Variants in SLC43A2 observed in about 807,000 individuals in gnomAD.
SLC43A2 encodes solute carrier family 43 member 2.
In SLC43A2, 38 loss-of-function variants were observed where a neutral mutation model predicts 63.2. The observed-to-expected ratio is 0.60, with a 90% CI of 0.46 to 0.79. SLC43A2 has a LOEUF of 0.79. Among genes scored for constraint, SLC43A2 ranks in the 30% least tolerant of loss-of-function variants. The pLI, the probability that SLC43A2 is intolerant of heterozygous loss-of-function variation, is 0.00. For missense variants in SLC43A2, 644 were observed against 756.2 expected (o/e 0.85, Z 1.74); for synonymous variants, 322 against 331.0 (o/e 0.97, Z 0.30).
chr17:1,581,204 A>C (rs922074100), intron 11 of SLC43A2, among the ~76,000 whole-genome samples: 1 of 151,554 alleles, frequency 6.6e-6, no homozygotes, highest in Non-Finnish European at 1.5e-5. Flanking sequence ...CCCAGTGCCC[A>C]CACACACACA....
intron 2 of SLC43A2, among the ~76,000 whole-genome samples, chr17:1,624,143 G>A (rs1037833607): frequency 5.3e-5 from 8 of 152,236 alleles, no homozygotes; most frequent in Non-Finnish European, 8.8e-5. Context: ...GGGGATTAAC[G>A]ATCCACATGT....
At chr17:1,608,937 C>T (rs894772963) in intron 5 of SLC43A2, among the ~76,000 whole-genome samples, 2 of 151,972 alleles carry the variant, frequency 1.3e-5, no homozygotes, top group Non-Finnish European at 2.9e-5. Context: ...AGAGCTCTTA[C>T]GAGTCACTAA....
rs1163814542 is a variant in SLC43A2 at position 1,569,602 on chromosome 17, AACAC to A, written c.*5998_*6001del. 1 of 152,362 alleles carries A rather than the reference AACAC, an allele frequency of 6.6e-6. No homozygotes were observed. The highest frequency in any genetic ancestry group is 2.4e-5 in the African/African-American group (1 of 41,442). 9.4% of individuals were successfully genotyped at this position (152,362 alleles called of 1,614,324 possible). A position where few individuals can be genotyped will look rare whatever the true frequency, so the allele number is the denominator to read the frequency against. On this transcript the variant is annotated 3_prime_UTR_variant, in exon 14 of 14. Coordinates refer to ENST00000301335, the MANE Select transcript of SLC43A2 (RefSeq NM_152346.3). ...CCCGGATGCATCTCACACTTAGATAAACACACACGCACACAGTCAGAGGCACGGT... is the reference window on the plus strand; with the variant it reads ...CCCGGATGCATCTCACACTTAGATAAACACGCACACAGTCAGAGGCACGGT...
At chr17:1,586,435 G>A (rs1216889627) in intron 9 of SLC43A2, among the ~76,000 whole-genome samples, 1 of 152,118 alleles carries the variant, frequency 6.6e-6, no homozygotes, top group Non-Finnish European at 1.5e-5. Flanking sequence ...GGTGGCTCAT[G>A]CCTGTAATCC....
At chr17:1,613,114 A>G (rs926652757) in intron 5 of SLC43A2, 81 bp downstream of exon 5, 3 of 1,281,596 alleles carry the variant, frequency 2.3e-6, no homozygotes, top group Non-Finnish European at 3.3e-6. Flanking sequence ...ATGGAAGGCA[A>G]GGAAACAGAA....
Position 1,606,985 on chromosome 17 carries a change from A to G in SLC43A2, c.501+6210T>C, listed in dbSNP as rs1039445473. 2.6e-5 allele frequency among the ~76,000 whole-genome samples: 4 copies of G among 152,292 alleles called. 1 individual carries two copies. The highest frequency in any genetic ancestry group is 4.1e-4 in the South Asian group (2 of 4,826). On this transcript the variant is annotated intron_variant, in intron 5 of 13. Transcript: ENST00000301335. The surrounding 1 kb of genome is among the most constrained non-coding windows in gnomAD (Gnocchi z 4.7). ...GCTCATGGCCATCTCCTTCTGGACT[A>G]CAAGGAAAAGGCGTGTGCCCGCTTG...
At chr17:1,613,487 T>A (rs1248877402) in intron 4 of SLC43A2, among the ~76,000 whole-genome samples, 1 of 152,148 alleles carries the variant, frequency 6.6e-6, no homozygotes. Context: ...AGTTTTGCTC[T>A]TGTCACCCAG....
chr17:1,594,042 T>C (rs955587146), intron 5 of SLC43A2, among the ~76,000 whole-genome samples: 1 of 152,150 alleles, frequency 6.6e-6, no homozygotes, highest in Non-Finnish European at 1.5e-5. Flanking sequence ...TTTCACCATG[T>C]TGGCCAGGCT....
rs982530353 is a variant in SLC43A2, at chr17:1,591,554, A to T, written c.728+12T>A. 5 of 1,555,696 alleles carry T rather than the reference A, an allele frequency of 3.2e-6. No homozygotes were observed. The highest frequency in any genetic ancestry group is 4.3e-6 in the Non-Finnish European group (5 of 1,151,108). On this transcript the variant is annotated intron_variant, in intron 7 of 13. Transcript: ENST00000301335. The stretch of plus-strand genomic sequence containing the variant: ...GGCTGGGGGCAGGCGGGACGGGGGC[A>T]CCTCTACTTACGAGTAGTCCATGTC...
chr17:1,628,588 T>TC (rs1555546219), intron 1 of SLC43A2, among the ~76,000 whole-genome samples: 1 of 151,966 alleles, frequency 6.6e-6, no homozygotes, highest in African/African-American at 2.4e-5. Flanking sequence ...TCTCGGGCGT[T>TC]CCCCCGGCAA....
At chr17:1,592,219 G>T (rs532331197) in intron 6 of SLC43A2, among the ~76,000 whole-genome samples, 47 of 152,348 alleles carry the variant, frequency 3.1e-4, no homozygotes, top group African/African-American at 1.0e-3. Flanking sequence ...ATGAGGTCAG[G>T]AGTTCCAGGC....
chr17:1,599,041 T>A (rs963026269), intron 5 of SLC43A2, among the ~76,000 whole-genome samples: 15 of 152,336 alleles, frequency 9.8e-5, no homozygotes, highest in Non-Finnish European at 1.8e-4. Flanking sequence ...TTAATTATGA[T>A]CTTTTCCTTA....
At chr17:1,591,735 G>GGGGGGGGGGGA in intron 6 of SLC43A2, 36 bp from the exon 7 acceptor site, 8 of 652,926 alleles carry the variant, frequency 1.2e-5, no homozygotes, top group East Asian at 3.0e-5. Context: ...GGGGGGGGGA[G>GGGGGGGGGGGA]GGGGCAGAGT....
chr17:1,575,718 C>T lies in SLC43A2; in HGVS notation c.1596G>A (p.Pro532=), dbSNP rs746628641. Residue 532 remains proline (P), a synonymous_variant, in exon 14 of 14, where the codon CCG becomes CCA. Transcript: ENST00000301335. ...GGCGCCGGTAGCAGATCAGGTAGAG[C>T]GGGAGGCAGAAGCCCAGCAGGCTGA... ...LLLSLLGFCL[P]LYLICYRRQL... The T allele has an allele frequency of 1.1e-5, 17 of 1,613,636 alleles. No individual in the cohort carries two copies. The highest frequency in any genetic ancestry group is 5.5e-5 in the South Asian group (5 of 91,064).
intron 8 of SLC43A2, among the ~76,000 whole-genome samples, 158 bp from the exon 9 acceptor site, chr17:1,591,106 G>A (rs1464862395): frequency 6.6e-6 from 1 of 152,122 alleles, no homozygotes; most frequent in African/African-American, 2.4e-5. Flanking sequence ...CCTCTTGGGT[G>A]AAATCAGGCA....
intron 1 of SLC43A2, among the ~76,000 whole-genome samples, 181 bp downstream of exon 1, chr17:1,628,613 T>C (rs1032636819): frequency 5.3e-5 from 8 of 152,142 alleles, no homozygotes; most frequent in African/African-American, 1.7e-4. Flanking sequence ...CCCGTTTCCA[T>C]GGCCTCGGAC....
intron 2 of SLC43A2, among the ~76,000 whole-genome samples, chr17:1,620,567 G>A (rs189766065): frequency 7.6e-4 from 116 of 152,198 alleles, no homozygotes; most frequent in Non-Finnish European, 1.5e-3. Flanking sequence ...AATCCCTGCC[G>A]ATGGGGCCAC....
chr17:1,591,724 T>TGGAGGGGGG, intron 6 of SLC43A2, 25 bp from the exon 7 acceptor site: 2 of 218,410 alleles, frequency 9.2e-6, no homozygotes, highest in Non-Finnish European at 9.3e-6. Flanking sequence ...GGGGACGGGG[T>TGGAGGGGGG]GGGGGGGGGA....
chr17:1,616,910 C>A, intron 2 of SLC43A2, 141 bp from the exon 3 acceptor site: 1 of 899,692 alleles, frequency 1.1e-6, no homozygotes, highest in South Asian at 1.7e-5. Flanking sequence ...CAGGCTACCC[C>A]GCAGCAGGCT....
Sources: allele counts gnomAD v4.1 joint callset (sites outside exome capture counted in the v4.1 genomes callset), GRCh38; gene constraint gnomAD v4.1.1; non-coding constraint Gnocchi (gnomAD v3.1); transcripts MANE v1.5; gene names NCBI Gene and HGNC (gene_info 2026-07-23, HGNC 2026-07-21).